The following CUL3 variants were observed in gnomAD, a reference collection of about 807,000 sequenced individuals.
CUL3 encodes cullin-3.
CUL3 carries 19 observed loss-of-function variants against 89.1 expected under a neutral mutation model. The ratio of observed to expected loss-of-function variants is 0.21; its 90% confidence interval spans 0.15 to 0.31. The LOEUF is 0.31. Among genes scored for constraint, CUL3 ranks in the 10% least tolerant of loss-of-function variants. The pLI is 1.00. For missense variants in CUL3, 469 were observed against 942.3 expected (o/e 0.50, Z 6.58); for synonymous variants, 351 against 308.4 (o/e 1.14, Z -1.45).
intron 4 of CUL3, among the ~76,000 whole-genome samples, chr2:224,514,258 T>C (rs954000749): frequency 4.0e-5 from 6 of 151,282 alleles, no homozygotes; most frequent in Non-Finnish European, 8.8e-5. Context: ...TCTTCAAAAA[T>C]GTTAGGAATG....
At chr2:224,579,382 T>C (rs1393254649) in intron 1 of CUL3, among the ~76,000 whole-genome samples, 3 of 152,048 alleles carry the variant, frequency 2.0e-5, no homozygotes, top group Non-Finnish European at 4.4e-5. Flanking sequence ...CCAGTCCAGG[T>C]AGTACTATGC....
At chr2:224,550,410 G>A (rs1253064479) in intron 2 of CUL3, among the ~76,000 whole-genome samples, 1 of 152,138 alleles carries the variant, frequency 6.6e-6, no homozygotes, top group Non-Finnish European at 1.5e-5. Flanking sequence ...AAAAGTTGTG[G>A]ATTTTGAAGC....
At chr2:224,495,136 AAAAAG>A (rs1482846302) in intron 13 of CUL3, 1 of 152,016 alleles carries the variant, frequency 6.6e-6, no homozygotes, top group African/African-American at 2.4e-5. Flanking sequence ...ATCAAAAAAA[AAAAAG>A]AAAATTAAAT....
At chr2:224,525,244 G>C (rs1003081233) in intron 3 of CUL3, among the ~76,000 whole-genome samples, 1 of 152,216 alleles carries the variant, frequency 6.6e-6, no homozygotes, top group African/African-American at 2.4e-5. Flanking sequence ...ATAGAGCACA[G>C]TGGTGAAGAC....
At chr2:224,492,028 G>C (rs1692002223) in intron 13 of CUL3, among the ~76,000 whole-genome samples, 1 of 152,142 alleles carries the variant, frequency 6.6e-6, no homozygotes, top group African/African-American at 2.4e-5. Flanking sequence ...TATGCTTTCA[G>C]TGTATTAGAA....
chr2:224,516,623 T>C (rs958084296), intron 3 of CUL3, among the ~76,000 whole-genome samples: 2 of 151,600 alleles, frequency 1.3e-5, no homozygotes, highest in African/African-American at 4.8e-5. Flanking sequence ...CCTCCCTCCT[T>C]GCTTTTGATG....
intron 1 of CUL3, among the ~76,000 whole-genome samples, chr2:224,571,844 T>C (rs1695187481): frequency 2.0e-5 from 3 of 152,246 alleles, no homozygotes; most frequent in Admixed American, 6.5e-5. Flanking sequence ...CCTAGATTTA[T>C]GTATAAACAC....
chr2:224,561,889 C>T, intron 1 of CUL3, among the ~76,000 whole-genome samples: 1 of 150,006 alleles, frequency 6.7e-6, no homozygotes, highest in Non-Finnish European at 1.5e-5. Context: ...TATCTCTTGA[C>T]ATTGAGTAAC....
intron 3 of CUL3, among the ~76,000 whole-genome samples, chr2:224,525,517 T>C (rs1307090306): frequency 1.3e-5 from 2 of 152,230 alleles, no homozygotes; most frequent in African/African-American, 2.4e-5. Context: ...TCTGTTGTTA[T>C]GTATTTGGAA....
Position 224,506,033 on chromosome 2 carries a change from A to T in CUL3, c.1129T>A (p.Phe377Ile). The T allele has an allele frequency of 6.2e-7, 1 of 1,612,642 alleles. No individual in the cohort carries two copies. Among genetic ancestry groups the T allele is most frequent in the South Asian group, 1.1e-5 (1 of 90,854 alleles). The change falls in exon 8 of 16, where the codon TTT (phenylalanine) becomes ATT (isoleucine). Residue 377 changes from phenylalanine to isoleucine, a missense_variant. Phe to Ile is a conservative substitution (Grantham distance 21). Coordinates refer to ENST00000264414, the MANE Select transcript of CUL3 (RefSeq NM_003590.5). Reference sequence around the variant, plus strand: ...GGAGACCTGGAGTTGAGGTTGAGAAAATACTCAAAGTCACCCGCAATAGTT... The same window carrying T: ...GGAGACCTGGAGTTGAGGTTGAGAATATACTCAAAGTCACCCGCAATAGTT... ...KQTIAGDFEY[F>I]LNLNSRSPEY...
chr2:224,487,387 G>A (rs1200688758), intron 13 of CUL3, among the ~76,000 whole-genome samples: 1 of 140,188 alleles, frequency 7.1e-6, no homozygotes, highest in African/African-American at 2.7e-5. Context: ...ACATGCAAAG[G>A]CACACACAGG....
chr2:224,519,464 A>C (rs943847351), intron 3 of CUL3, among the ~76,000 whole-genome samples: 1 of 152,194 alleles, frequency 6.6e-6, no homozygotes, highest in Non-Finnish European at 1.5e-5. Context: ...GTAAGAGCTA[A>C]GCCTTTGTCT....
intron 1 of CUL3, among the ~76,000 whole-genome samples, chr2:224,584,648 G>A (rs1695530700): frequency 6.6e-6 from 1 of 151,474 alleles, no homozygotes; most frequent in Non-Finnish European, 1.5e-5. Context: ...GGGAGGCGTG[G>A]GGCGGCCGAG....
At chr2:224,555,728 C>T (rs1694674244) in intron 2 of CUL3, among the ~76,000 whole-genome samples, 1 of 152,178 alleles carries the variant, frequency 6.6e-6, no homozygotes, top group East Asian at 1.9e-4. Context: ...GGAATGCCTT[C>T]CACCACACTG....
In CUL3 at chr2:224,489,439, A is replaced by T. The variant is rs145609169; in HGVS notation, c.1842+6393T>A. On this transcript the variant is annotated intron_variant, in intron 13 of 15. Coordinates refer to ENST00000264414, the MANE Select transcript of CUL3 (RefSeq NM_003590.5). ...GACACAAAATCAATGTGCAGAAATC[A>T]CAAGCATTCCTATACACCAATAATA... Among the ~76,000 whole-genome samples, 372 of 152,338 alleles carry T rather than the reference A, an allele frequency of 2.4e-3. 5 individuals carry two copies. The Middle Eastern group carries it at 0.034, about 14-fold the overall frequency.
intron 2 of CUL3, among the ~76,000 whole-genome samples, chr2:224,547,896 C>T (rs976965292): frequency 1.3e-5 from 2 of 152,086 alleles, no homozygotes; most frequent in African/African-American, 4.8e-5. Context: ...ACTTCATGTT[C>T]ACATAAATAT....
chr2:224,475,626 G>A (rs941211227), intron 15 of CUL3, among the ~76,000 whole-genome samples: 8 of 152,006 alleles, frequency 5.3e-5, no homozygotes, highest in South Asian at 2.1e-4. Flanking sequence ...CTCCTGTATC[G>A]ACAAACTTGC....
intron 1 of CUL3, among the ~76,000 whole-genome samples, chr2:224,576,895 C>T (rs1695313924): frequency 6.6e-6 from 1 of 152,198 alleles, no homozygotes; most frequent in African/African-American, 2.4e-5. Flanking sequence ...TTTGAAGCCA[C>T]CCCTCAAGAG....
Position 224,514,695 on chromosome 2 carries a change from T to C in CUL3, c.456A>G (p.Val152=). 1.9e-6 allele frequency: 3 copies of C among 1,613,530 alleles called. No homozygotes were observed. In the South Asian group the frequency reaches 3.3e-5, roughly 18 times the overall value. Residue 152 remains valine (V), a synonymous_variant, in exon 4 of 16, where the codon GTA becomes GTG. Transcript: ENST00000264414. ...LGLIIFRDQV[V]RYGCIRDHLR... The stretch of plus-strand genomic sequence containing the variant: ...GATGATCCCTAATACACCCATAACG[T>C]ACAACTTGATCTCGAAAAATAATTA...
Sources: gnomAD v4.1 joint callset for allele counts (sites outside exome capture counted in the v4.1 genomes callset) on GRCh38, gnomAD v4.1.1 for gene constraint, MANE v1.5 for transcripts, NCBI Gene and HGNC (gene_info 2026-07-23, HGNC 2026-07-21) for gene names.